GPR35: variants seen among roughly 807,000 people sequenced by gnomAD.
The protein encoded by GPR35 is KYNA receptor.
For missense variants in GPR35, 372 were observed against 422.5 expected (o/e 0.88, Z 1.05); for synonymous variants, 207 against 198.4 (o/e 1.04, Z -0.36).
At chr2:240,622,992 C>T (rs77469396), upstream of GPR35, among the ~76,000 whole-genome samples, 398 of 152,364 alleles carry the variant, frequency 2.6e-3, no homozygotes, top group Non-Finnish European at 3.9e-3. Context: ...TCTGGCCTCT[C>T]GAACCTGGGG....
upstream of GPR35, among the ~76,000 whole-genome samples, chr2:240,624,538 T>G (rs891662602): frequency 6.6e-6 from 1 of 152,176 alleles, no homozygotes; most frequent in Non-Finnish European, 1.5e-5. Context: ...TGCCACCACC[T>G]GTGTGACGCT....
At chr2:240,629,307 G>A (rs1342197947) in intron 1 of GPR35, 1 of 152,554 alleles carries the variant, frequency 6.6e-6, no homozygotes, top group Non-Finnish European at 1.5e-5. Context: ...ACTGGGATGG[G>A]GCCTCAGGCT....
intron 3 of GPR35, chr2:240,616,847 G>T: frequency 1.3e-5 from 9 of 712,338 alleles, no homozygotes; most frequent in South Asian, 1.2e-4. Context: ...CTGGCTCTGG[G>T]GTAGCCAGAT....
intron 1 of GPR35, among the ~76,000 whole-genome samples, chr2:240,626,728 G>A (rs886491457): frequency 6.6e-6 from 1 of 152,136 alleles, no homozygotes; most frequent in Non-Finnish European, 1.5e-5. Context: ...CAGGTACGGG[G>A]GACTCTGGTG....
chr2:240,623,527 T>G (rs1264478241), upstream of GPR35, among the ~76,000 whole-genome samples: 1 of 139,482 alleles, frequency 7.2e-6, no homozygotes, highest in African/African-American at 2.5e-5. Flanking sequence ...GGTGCAGCTT[T>G]GGGGAGAGAG....
chr2:240,619,324 G>A (rs867585138), intron 5 of GPR35, among the ~76,000 whole-genome samples: 5 of 152,270 alleles, frequency 3.3e-5, no homozygotes, highest in South Asian at 2.1e-4. Context: ...GCATCGTTTC[G>A]TATCTTTAAG....
At chr2:240,608,435 T>C (rs1169668478) in intron 2 of GPR35, among the ~76,000 whole-genome samples, 4 of 152,226 alleles carry the variant, frequency 2.6e-5, no homozygotes, top group Non-Finnish European at 2.9e-5. Flanking sequence ...GTTGAGGAAG[T>C]TCTCTTCTCT....
chr2:240,612,543 C>T (rs1482278072), intron 2 of GPR35, among the ~76,000 whole-genome samples: 4 of 152,012 alleles, frequency 2.6e-5, no homozygotes. Context: ...ACATGGGAGT[C>T]CAAAGGGCTC....
At position 240,630,194 on chromosome 2, in the gene GPR35, G is replaced by A. The variant is rs933185729; in HGVS notation, c.242G>A (p.Arg81Gln). 6 of 1,584,654 alleles carry A rather than the reference G, an allele frequency of 3.8e-6. No individual in the cohort carries two copies. The highest frequency in any genetic ancestry group is 2.7e-5 in the African/African-American group (2 of 74,792). ...CTLPFVLHSL[R>Q]DTSDTPLCQL... ...TTGCCCTTCGTGCTGCACTCCCTGC[G>A]AGACACCTCAGACACGCCGCTGTGC... is the stretch of plus-strand genomic sequence containing the variant. The change falls in exon 2 of 2, where the codon CGA becomes CAA. Residue 81 changes from arginine to glutamine, a missense_variant. Coordinates refer to ENST00000407714, the MANE Select transcript of GPR35 (RefSeq NM_005301.5).
intron 2 of GPR35, among the ~76,000 whole-genome samples, chr2:240,609,964 C>CT (rs879882240): frequency 1.1e-3 from 152 of 144,528 alleles, no homozygotes; most frequent in Admixed American, 1.7e-3. Context: ...ATGAAATATC[C>CT]TTTTTTTTTT....
intron 5 of GPR35, among the ~76,000 whole-genome samples, chr2:240,619,735 G>A (rs752110069): frequency 7.9e-5 from 12 of 152,174 alleles, no homozygotes; most frequent in African/African-American, 1.2e-4. Flanking sequence ...CTCCCTCCCC[G>A]CCAGACTCCC....
At chr2:240,614,892 GTA>G (rs1559434054) in intron 2 of GPR35, among the ~76,000 whole-genome samples, 1 of 152,026 alleles carries the variant, frequency 6.6e-6, no homozygotes, top group South Asian at 2.1e-4. Context: ...ATGTGTATGT[GTA>G]TATATGTATA....
In GPR35 at chr2:240,630,286, G is replaced by A. The variant is rs201044232; in HGVS notation, c.334G>A (p.Val112Met). The A allele has an allele frequency of 6.1e-5, 95 of 1,567,788 alleles. No individual in the cohort carries two copies. The East Asian group carries it at 1.1e-3, about 18-fold the overall frequency. Reference protein sequence around the residue: ...MSISLVTAIAVDRYVAVRHPL... With the variant: ...MSISLVTAIAMDRYVAVRHPL... ...CATCAGCCTGGTCACGGCCATCGCC[G>A]TGGACCGCTATGTGGCCGTGCGGCA... The change falls in exon 2 of 2, where the codon GTG becomes ATG. Residue 112 changes from valine (V) to methionine (M), a missense_variant. Physicochemically the swap from Val to Met is conservative, Grantham distance 21. Coordinates refer to ENST00000407714, the MANE Select transcript of GPR35 (RefSeq NM_005301.5).
At chr2:240,624,620 C>CT (rs372631504), upstream of GPR35, among the ~76,000 whole-genome samples, 78 of 152,190 alleles carry the variant, frequency 5.1e-4, no homozygotes, top group Non-Finnish European at 6.3e-4. Flanking sequence ...AACTGAAGCT[C>CT]TCCCCAGCCT....
chr2:240,629,888 G>A, intron 1 of GPR35, 61 bp from the exon 2 acceptor site: 8 of 1,414,432 alleles, frequency 5.7e-6, no homozygotes, highest in Non-Finnish European at 7.8e-6. Context: ...GCAGAGTGGG[G>A]GCAGTGCCTT....
chr2:240,626,025 G>T (rs1395470693), intron 1 of GPR35, among the ~76,000 whole-genome samples: 4 of 76,552 alleles, frequency 5.2e-5, no homozygotes, highest in Non-Finnish European at 1.2e-4. Flanking sequence ...GTGGGGTGAG[G>T]CTGTGATGGG....
rs1306845067 is a variant in GPR35, at chr2:240,625,530, G to C, written c.-43G>C. On this transcript the variant is annotated 5_prime_UTR_variant, in exon 1 of 2. Coordinates refer to ENST00000407714, the MANE Select transcript of GPR35 (RefSeq NM_005301.5). ...CCACTGTGCAGGCTTTGGCAGCGGG[G>C]GTCACACACTCCACCCGGGAGGCCA... 1 of 985,870 alleles carries C rather than the reference G, an allele frequency of 1.0e-6. No homozygotes were observed. The highest frequency in any genetic ancestry group is 1.7e-5 in the African/African-American group (1 of 57,238). 61.1% of individuals were successfully genotyped at this position (985,870 alleles called of 1,614,324 possible). A position where few individuals can be genotyped will look rare whatever the true frequency, so the allele number is the denominator to read the frequency against.
chr2:240,625,156 CAG>C, upstream of GPR35: 1 of 596,996 alleles, frequency 1.7e-6, no homozygotes, highest in African/African-American at 2.0e-5. Flanking sequence ...TCCGAGATGA[CAG>C]GGCAGAAGTG....
At chr2:240,616,741 TAAAA>T (rs767683322) in intron 3 of GPR35, among the ~76,000 whole-genome samples, 2 of 99,944 alleles carry the variant, frequency 2.0e-5, no homozygotes, top group Non-Finnish European at 3.8e-5. Flanking sequence ...AACAATACAG[TAAAA>T]AAAAAAAAAA....
Sources: gnomAD v4.1 joint callset for allele counts (sites outside exome capture counted in the v4.1 genomes callset) on GRCh38, gnomAD v4.1.1 for gene constraint, MANE v1.5 for transcripts, NCBI Gene and HGNC (gene_info 2026-07-23, HGNC 2026-07-21) for gene names.